Variants in UPF1 observed in about 807,000 individuals in gnomAD.
UPF1 encodes UPF1 RNA helicase and ATPase, also known as regulator of nonsense transcripts 1.
Under a neutral mutation model 129.2 loss-of-function variants are expected in UPF1, and 9 were observed. The observed-to-expected ratio is 0.07, with a 90% CI of 0.04 to 0.12. UPF1 has a LOEUF of 0.12. Ranked by LOEUF, UPF1 falls within the 10% of genes least tolerant of loss-of-function variation. The pLI, the probability that UPF1 is intolerant of heterozygous loss-of-function variation, is 1.00. For missense variants in UPF1, 788 were observed against 1,525.3 expected (o/e 0.52, Z 8.05); for synonymous variants, 649 against 644.9 (o/e 1.01, Z -0.10).
chr19:18,847,685 C>G, intron 2 of UPF1, 59 bp from the exon 3 acceptor site: 1 of 1,532,238 alleles, frequency 6.5e-7, no homozygotes, highest in Non-Finnish European at 9.0e-7. Flanking sequence ...TCACATCTTG[C>G]CAAATGAAAA....
chr19:18,834,817 G>A (rs1373672285), intron 1 of UPF1, among the ~76,000 whole-genome samples: 1 of 152,174 alleles, frequency 6.6e-6, no homozygotes, highest in East Asian at 1.9e-4. Flanking sequence ...AGTTGGCCGT[G>A]TAACCAGCTG....
chr19:18,846,745 C>T (rs191077657), intron 2 of UPF1, among the ~76,000 whole-genome samples: 1 of 152,152 alleles, frequency 6.6e-6, no homozygotes, highest in Non-Finnish European at 1.5e-5. Flanking sequence ...AATCCCAGCA[C>T]TTTGGGAGGC....
chr19:18,839,152 C>T (rs2055514457), intron 1 of UPF1, among the ~76,000 whole-genome samples: 2 of 152,220 alleles, frequency 1.3e-5, no homozygotes, highest in Middle Eastern at 3.4e-3. Context: ...AGTGCAGTGG[C>T]GCGATCTTGG....
intron 15 of UPF1, among the ~76,000 whole-genome samples, chr19:18,858,850 C>G (rs758475394): frequency 2.6e-5 from 4 of 152,102 alleles, no homozygotes; most frequent in African/African-American, 9.7e-5. Context: ...TTTAAATTTC[C>G]AAGTTTAGAG....
At chr19:18,863,676 A>G in intron 19 of UPF1, 64 bp downstream of exon 19, 1 of 1,513,162 alleles carries the variant, frequency 6.6e-7, no homozygotes, top group African/African-American at 1.4e-5. Flanking sequence ...ACTGCTGGGA[A>G]CGTGCCAGCT....
chr19:18,853,453 C>A lies in UPF1; in HGVS notation c.1156+103C>A. The stretch of plus-strand genomic sequence containing the variant: ...TTGATGCTCACTGCTGGGCCAGCAT[C>A]TCATGCTCTGTGGTGGGTGCTGGTT... On this transcript the variant is annotated intron_variant, in intron 8 of 23. Transcript: ENST00000262803. This position sits in a 1 kb window ranked among gnomAD's most constrained non-coding sequence, Gnocchi z 4.4. The A allele has an allele frequency of 8.5e-7, 1 of 1,172,500 alleles. No homozygotes were observed. The highest frequency in any genetic ancestry group is 1.2e-6 in the Non-Finnish European group (1 of 844,260). 72.6% of individuals were successfully genotyped at this position (1,172,500 alleles called of 1,614,324 possible). A position where few individuals can be genotyped will look rare whatever the true frequency, so the allele number is the denominator to read the frequency against.
chr19:18,861,022 T>C (rs1419481246), intron 17 of UPF1, 40 bp downstream of exon 17: 5 of 1,539,170 alleles, frequency 3.2e-6, no homozygotes, highest in Admixed American at 3.8e-5. Context: ...TCCTGGGCCA[T>C]GCAAGGGTAT....
Position 18,832,512 on chromosome 19 carries a change from C to T in UPF1, c.231+72C>T, listed in dbSNP as rs1026382539. On this transcript the variant is annotated intron_variant, in intron 1 of 23. Coordinates refer to ENST00000262803, the MANE Select transcript of UPF1 (RefSeq NM_002911.4). This position sits in a 1 kb window ranked among gnomAD's most constrained non-coding sequence, Gnocchi z 5.6. ...CCTGAGACCTGCCCCGAACTCGCCT[C>T]GGGCCCGGCCTGTGTTTGGCCGGAG... The T allele has an allele frequency of 1.3e-5, 13 of 973,034 alleles. No individual in the cohort carries two copies. The highest frequency in any genetic ancestry group is 1.6e-5 in the Non-Finnish European group (13 of 815,716). 60.3% of individuals were successfully genotyped at this position (973,034 alleles called of 1,614,324 possible). A position where few individuals can be genotyped will look rare whatever the true frequency, so the allele number is the denominator to read the frequency against.
At chr19:18,858,317 G>A (rs1252242508) in intron 15 of UPF1, among the ~76,000 whole-genome samples, 1 of 152,162 alleles carries the variant, frequency 6.6e-6, no homozygotes, top group Non-Finnish European at 1.5e-5. Context: ...ACTTAACGTC[G>A]CTTGCCATGA....
chr19:18,860,207 C>T (rs1293532934), intron 15 of UPF1, 114 bp from the exon 16 acceptor site: 22 of 1,124,662 alleles, frequency 2.0e-5, no homozygotes, highest in Non-Finnish European at 2.8e-5. Context: ...AGATCGAAGT[C>T]TCCTGCCCCA....
rs746527373 is a variant in UPF1, at chr19:18,865,468, C to G, written c.3019+18C>G. ...TGCTGCAGGTGAGCATCTGTGGCTG[C>G]GGCTGGGTGTGGCCCTCCTGAGAGC... On this transcript the variant is annotated intron_variant, in intron 21 of 23. Coordinates refer to ENST00000262803, the MANE Select transcript of UPF1 (RefSeq NM_002911.4). The surrounding 1 kb of genome is among the most constrained non-coding windows in gnomAD (Gnocchi z 6.1). The G allele has an allele frequency of 1.9e-6, 3 of 1,611,796 alleles. No homozygotes were observed. The highest frequency in any genetic ancestry group is 1.7e-6 in the Non-Finnish European group (2 of 1,178,388).
At chr19:18,861,974 C>T (rs374039398) in intron 17 of UPF1, 36 bp from the exon 18 acceptor site, 9 of 1,609,276 alleles carry the variant, frequency 5.6e-6, no homozygotes, top group African/African-American at 2.7e-5. Flanking sequence ...GGAAGGCAGC[C>T]TGCTGGCTGA....
chr19:18,861,445 C>G (rs1052996175), intron 17 of UPF1, among the ~76,000 whole-genome samples: 1 of 152,224 alleles, frequency 6.6e-6, no homozygotes, highest in African/African-American at 2.4e-5. Context: ...TGAGTGGCCA[C>G]ATGGCAGTGG....
intron 14 of UPF1, 70 bp from the exon 15 acceptor site, chr19:18,857,250 C>G: frequency 2.0e-6 from 3 of 1,537,490 alleles, no homozygotes; most frequent in Non-Finnish European, 2.6e-6. Flanking sequence ...GCCCCTACTT[C>G]CTTGCTAGTG....
chr19:18,865,807 C>T lies in UPF1; in HGVS notation c.3237+29C>T, dbSNP rs1397223458. The T allele has an allele frequency of 1.9e-6, 3 of 1,610,836 alleles. No homozygotes were observed. The highest frequency in any genetic ancestry group is 2.2e-5 in the East Asian group (1 of 44,874). On this transcript the variant is annotated intron_variant, in intron 22 of 23. Transcript: ENST00000262803. The surrounding 1 kb of genome is among the most constrained non-coding windows in gnomAD (Gnocchi z 6.1). ...AGCCCGCCCCTGGGACGGGACTTACCTGAGTGAGGGTGGGGCTATGCACCT... is the reference window on the plus strand; with the variant it reads ...AGCCCGCCCCTGGGACGGGACTTACTTGAGTGAGGGTGGGGCTATGCACCT...
chr19:18,847,920 A>G, intron 3 of UPF1, 87 bp downstream of exon 3: 1 of 1,439,988 alleles, frequency 6.9e-7, no homozygotes. Flanking sequence ...GCAAAGCGTA[A>G]TATAAAATCA....
chr19:18,839,739 C>T (rs1568269605), intron 1 of UPF1, among the ~76,000 whole-genome samples: 1 of 152,198 alleles, frequency 6.6e-6, no homozygotes, highest in South Asian at 2.1e-4. Context: ...TTTCTTACTT[C>T]CTGGCCTTGC....
intron 11 of UPF1, 63 bp from the exon 12 acceptor site, chr19:18,855,862 T>C: frequency 6.3e-7 from 1 of 1,579,806 alleles, no homozygotes; most frequent in South Asian, 1.2e-5. Flanking sequence ...AACAGAGTCT[T>C]GGCTTACTAC....
chr19:18,859,779 C>T (rs1420678164), intron 15 of UPF1: 3 of 152,494 alleles, frequency 2.0e-5, no homozygotes, highest in African/African-American at 7.2e-5. Context: ...CATGAAGAGC[C>T]CGAAGAAAGT....
Sources: allele counts gnomAD v4.1 joint callset (sites outside exome capture counted in the v4.1 genomes callset), GRCh38; gene constraint gnomAD v4.1.1; non-coding constraint Gnocchi (gnomAD v3.1); transcripts MANE v1.5; gene names NCBI Gene and HGNC (gene_info 2026-07-23, HGNC 2026-07-21).